SRRM3: variants seen among roughly 807,000 people sequenced by gnomAD.
SRRM3 encodes serine/arginine repetitive matrix 3, also known as serine/arginine repetitive matrix protein 3.
Under a neutral mutation model 66.2 loss-of-function variants are expected in SRRM3, and 27 were observed. The ratio of observed to expected loss-of-function variants is 0.41; its 90% CI spans 0.30 to 0.56. The LOEUF is 0.56. Ranked by LOEUF, SRRM3 falls within the 20% of genes least tolerant of loss-of-function variation. The pLI, the probability that SRRM3 is intolerant of heterozygous loss-of-function variation, is 0.32. For missense variants in SRRM3, 918 were observed against 991.9 expected, an observed-to-expected ratio of 0.93 and a Z score of 1.00; for synonymous variants, 391 against 414.9, an observed-to-expected ratio of 0.94 and a Z score of 0.70.
chr7:76,225,996 C>T (rs974117667), intron 1 of SRRM3, among the ~76,000 whole-genome samples: 5 of 152,246 alleles, frequency 3.3e-5, no homozygotes, highest in African/African-American at 1.2e-4. Flanking sequence ...TTCCCAGACT[C>T]ATCTGTGGTC....
intron 1 of SRRM3, among the ~76,000 whole-genome samples, chr7:76,212,815 G>A (rs569896947): frequency 6.6e-6 from 1 of 152,114 alleles, no homozygotes; most frequent in South Asian, 2.1e-4. Context: ...ACACACTAGA[G>A]TTGAGAACCG....
At chr7:76,264,696 C>A in intron 8 of SRRM3, 69 bp from the exon 9 acceptor site, 1 of 1,541,138 alleles carries the variant, frequency 6.5e-7, no homozygotes, top group Non-Finnish European at 9.0e-7. Context: ...TGAGTATACC[C>A]AGGCTCCAGG....
At chr7:76,261,678 G>T in intron 8 of SRRM3, 97 bp downstream of exon 8, 1 of 1,337,990 alleles carries the variant, frequency 7.5e-7, no homozygotes. Flanking sequence ...GTCCCACAGG[G>T]CTCCATCCTT....
intron 2 of SRRM3, among the ~76,000 whole-genome samples, chr7:76,241,792 C>G (rs552750038): frequency 6.6e-6 from 1 of 152,370 alleles, no homozygotes; most frequent in Non-Finnish European, 1.5e-5. Context: ...GCATGAGCCA[C>G]TGTGTCTGGC....
intron 10 of SRRM3, among the ~76,000 whole-genome samples, chr7:76,266,873 A>T (rs1802073422): frequency 6.6e-6 from 1 of 151,454 alleles, no homozygotes; most frequent in Admixed American, 6.6e-5. Context: ...GGATTTCGCC[A>T]TTTCGAACAG....
chr7:76,215,964 A>ATT (rs544399520), intron 1 of SRRM3, among the ~76,000 whole-genome samples: 45 of 137,480 alleles, frequency 3.3e-4, no homozygotes, highest in African/African-American at 1.1e-3. Context: ...CGCCCAGCTA[A>ATT]TTTTTTTTTT....
chr7:76,224,120 C>T (rs1800796957), intron 1 of SRRM3, among the ~76,000 whole-genome samples: 1 of 119,650 alleles, frequency 8.4e-6, no homozygotes, highest in Non-Finnish European at 1.7e-5. Flanking sequence ...TTGGTCTGTC[C>T]CCCAGGATGG....
At chr7:76,257,354 T>C (rs1554607881) in intron 3 of SRRM3, among the ~76,000 whole-genome samples, 2 of 150,312 alleles carry the variant, frequency 1.3e-5, no homozygotes, top group East Asian at 2.0e-4. Context: ...GGGAGGGCAC[T>C]GTCTGAGCCA....
rs1802565595 is a variant in SRRM3 at position 76,282,943 on chromosome 7, TA to T, written c.1596-20del. On this transcript the variant is annotated intron_variant, in intron 13 of 14. Transcript: ENST00000611745. ...GAGCGGCCGGGCCGCGTCGCTCACT[TA>T]CCTCGCGCCGGCCCCGCAGGGACAA... 1.5e-6 allele frequency: 2 copies of T among 1,324,784 alleles called. No individual in the cohort carries two copies. Among genetic ancestry groups the T allele is most frequent in the Non-Finnish European group, 1.9e-6 (2 of 1,042,886 alleles). 82.1% of individuals were successfully genotyped at this position (1,324,784 alleles called of 1,614,324 possible).
chr7:76,259,367 C>T (rs1331200150), intron 3 of SRRM3, among the ~76,000 whole-genome samples: 2 of 151,952 alleles, frequency 1.3e-5, no homozygotes, highest in Admixed American at 1.3e-4. Context: ...TCGCTTGAGG[C>T]CAGGAGTTCG....
In SRRM3 at chr7:76,260,026, C is replaced by A. The variant is rs1353962511; in HGVS notation, c.456C>A (p.Arg152=). The A allele has an allele frequency of 2.3e-5, 36 of 1,562,762 alleles. No individual in the cohort carries two copies. Among genetic ancestry groups the A allele is most frequent in the Non-Finnish European group, 2.9e-5 (34 of 1,159,162 alleles). ...CGGCCTCCTGCTACCGCGGCCACCG[C>A]GGGTACAGGTCAGCGGCCGCCGCGG... ...DCPASCYRGH[R]GYRTKHWSSS... Residue 152 remains arginine, a synonymous_variant, in exon 4 of 15, where the codon CGC becomes CGA. Coordinates refer to ENST00000611745, the MANE Select transcript of SRRM3 (RefSeq NM_001110199.3).
chr7:76,236,900 G>T (rs1165606193), intron 2 of SRRM3, among the ~76,000 whole-genome samples: 1 of 152,138 alleles, frequency 6.6e-6, no homozygotes, highest in Admixed American at 6.6e-5. Context: ...AGGGGCAGGG[G>T]CAAGGAGGGG....
intron 2 of SRRM3, among the ~76,000 whole-genome samples, chr7:76,243,852 C>A (rs1209325154): frequency 6.6e-6 from 1 of 152,228 alleles, no homozygotes; most frequent in Non-Finnish European, 1.5e-5. Context: ...ACAAGCTAGT[C>A]TCTGCAAGAG....
intron 11 of SRRM3, 186 bp downstream of exon 11, chr7:76,267,621 G>A: frequency 2.1e-6 from 1 of 486,424 alleles, no homozygotes; most frequent in Non-Finnish European, 3.3e-6. Context: ...GTGCTAGGCC[G>A]TTGCGCCCAC....
chr7:76,237,289 C>T (rs1801175968), intron 2 of SRRM3, among the ~76,000 whole-genome samples: 1 of 152,174 alleles, frequency 6.6e-6, no homozygotes, highest in Non-Finnish European at 1.5e-5. Context: ...CACCTCTAGT[C>T]CCAGCTGCTC....
intron 8 of SRRM3, among the ~76,000 whole-genome samples, chr7:76,262,533 A>C (rs868924678): frequency 4.0e-5 from 6 of 150,316 alleles, no homozygotes; most frequent in Non-Finnish European, 7.4e-5. Context: ...AAAAAAAAAA[A>C]AACAAAGTCT....
chr7:76,229,424 G>A (rs1294849552), intron 1 of SRRM3, among the ~76,000 whole-genome samples: 1 of 152,098 alleles, frequency 6.6e-6, no homozygotes, highest in East Asian at 1.9e-4. Flanking sequence ...CCTCTCAGTC[G>A]ATTCAGCCAG....
At chr7:76,208,901 G>C (rs1252327362) in intron 1 of SRRM3, among the ~76,000 whole-genome samples, 1 of 150,980 alleles carries the variant, frequency 6.6e-6, no homozygotes, top group Non-Finnish European at 1.5e-5. Flanking sequence ...AAGGGAGGGA[G>C]GGAGGGAGAG....
intron 3 of SRRM3, among the ~76,000 whole-genome samples, chr7:76,259,040 C>G (rs1240547778): frequency 2.7e-5 from 4 of 150,874 alleles, no homozygotes; most frequent in African/African-American, 9.8e-5. Flanking sequence ...GAGGCGAGAT[C>G]GGGCCCCTGC....
Sources: allele counts gnomAD v4.1 joint callset (sites outside exome capture counted in the v4.1 genomes callset), GRCh38; gene constraint gnomAD v4.1.1; transcripts MANE v1.5; gene names NCBI Gene and HGNC (gene_info 2026-07-23, HGNC 2026-07-21).